The following LRRC7 variants were observed in gnomAD, a reference collection of about 807,000 sequenced individuals.
The protein encoded by LRRC7 is leucine-rich repeat-containing protein 7.
A neutral mutation model predicts 175.7 loss-of-function variants in LRRC7; 23 were observed. The ratio of observed to expected loss-of-function variants is 0.13; its 90% CI spans 0.09 to 0.19. LRRC7 has a LOEUF of 0.19. LRRC7 is among the 10% of genes least tolerant of loss of function. LRRC7 has a pLI of 1.00. For synonymous variants in LRRC7, 685 were observed against 680.9 expected, an observed-to-expected ratio of 1.01 and a Z score of -0.09; for missense variants, 1,354 against 1,904.7, an observed-to-expected ratio of 0.71 and a Z score of 5.38.
intron 1 of LRRC7, among the ~76,000 whole-genome samples, chr1:69,584,006 T>C (rs1430930700): frequency 1.3e-5 from 2 of 152,070 alleles, no homozygotes; most frequent in Non-Finnish European, 2.9e-5. Context: ...AACTCTAGGG[T>C]AATCTGCAGC....
At chr1:70,027,757 C>T (rs1366759330) in intron 17 of LRRC7, among the ~76,000 whole-genome samples, 1 of 152,132 alleles carries the variant, frequency 6.6e-6, no homozygotes, top group Non-Finnish European at 1.5e-5. Context: ...CCATCAGCTG[C>T]ATTGCTACTC....
chr1:70,000,105 A>G (rs1282937732), intron 11 of LRRC7, among the ~76,000 whole-genome samples: 1 of 152,168 alleles, frequency 6.6e-6, no homozygotes, highest in Non-Finnish European at 1.5e-5. Flanking sequence ...TTTCCTACTA[A>G]TTACTGGGGA....
intron 8 of LRRC7, among the ~76,000 whole-genome samples, chr1:69,951,635 A>T (rs966039165): frequency 1.2e-4 from 18 of 152,116 alleles, no homozygotes; most frequent in Admixed American, 4.6e-4. Context: ...CATGTCTTTC[A>T]CAGGAACATG....
chr1:70,058,290 G>A (rs576782625), intron 23 of LRRC7, among the ~76,000 whole-genome samples: 30 of 152,218 alleles, frequency 2.0e-4, no homozygotes, highest in African/African-American at 6.0e-4. Context: ...GATTATAGGC[G>A]AGAGCCACTG....
intron 2 of LRRC7, among the ~76,000 whole-genome samples, chr1:69,747,333 A>G (rs1669364792): frequency 6.6e-6 from 1 of 152,176 alleles, no homozygotes; most frequent in African/African-American, 2.4e-5. Context: ...ACAGGAAAAC[A>G]CAAATGTGCA....
intron 2 of LRRC7, among the ~76,000 whole-genome samples, chr1:69,694,773 G>A (rs1662354010): frequency 6.6e-6 from 1 of 151,456 alleles, no homozygotes; most frequent in African/African-American, 2.4e-5. Context: ...TTCTCAGCAT[G>A]TGATATGCCA....
At chr1:69,768,195 A>T (rs1057101551) in intron 3 of LRRC7, among the ~76,000 whole-genome samples, 2 of 152,166 alleles carry the variant, frequency 1.3e-5, no homozygotes, top group Non-Finnish European at 2.9e-5. Context: ...AATGAACAAC[A>T]AAAATGCATC....
At position 70,038,611 on chromosome 1, in the gene LRRC7, C is replaced by A. The variant is rs151337146; in HGVS notation, c.2787C>A (p.Gly929=). 1.1e-5 allele frequency: 17 copies of A among 1,614,038 alleles called. No homozygotes were observed. In the African/African-American group the frequency reaches 2.1e-4, roughly 20 times the overall value. Residue 929 remains glycine, a synonymous_variant, in exon 21 of 27, where the codon GGC becomes GGA. Transcript: ENST00000651989. ...STEIPSPFSP[G]VPWEYHDSNP... ...AAATACCTAGTCCTTTTTCTCCAGG[C>A]GTACCATGGGAGTATCATGATTCCA...
chr1:70,040,061 G>A (rs1659729127), intron 21 of LRRC7, among the ~76,000 whole-genome samples: 1 of 152,230 alleles, frequency 6.6e-6, no homozygotes, highest in South Asian at 2.1e-4. Flanking sequence ...CTCCATTAGA[G>A]GGGATGGTGC....
chr1:70,016,925 C>T (rs1657010888), intron 14 of LRRC7, among the ~76,000 whole-genome samples: 3 of 152,008 alleles, frequency 2.0e-5, no homozygotes, highest in Admixed American at 6.6e-5. Flanking sequence ...CCTCTATGTT[C>T]CTCTTTCTTC....
At chr1:69,768,909 G>A (rs1671922494) in intron 3 of LRRC7, among the ~76,000 whole-genome samples, 1 of 152,150 alleles carries the variant, frequency 6.6e-6, no homozygotes, top group Admixed American at 6.5e-5. Context: ...GGAATGTGCT[G>A]TTTGAGTCTA....
At chr1:69,591,837 G>A (rs961683379) in intron 1 of LRRC7, among the ~76,000 whole-genome samples, 3 of 151,854 alleles carry the variant, frequency 2.0e-5, no homozygotes, top group South Asian at 2.1e-4. Flanking sequence ...ATCTGCAGAT[G>A]CTCTGTTCAA....
chr1:69,810,659 A>G (rs2421190), intron 4 of LRRC7, among the ~76,000 whole-genome samples: 11,715 of 152,238 alleles, frequency 0.077, 483 homozygotes, highest in South Asian at 0.099. Context: ...CCTGATGAAA[A>G]CAAGCAATGG....
rs1043762615 is a variant in LRRC7, at chr1:70,127,752, T to C, written c.*5865T>C. Among the ~76,000 whole-genome samples, 4 of 152,202 alleles carry C rather than the reference T, an allele frequency of 2.6e-5. No individual in the cohort carries two copies. The highest frequency in any genetic ancestry group is 7.2e-5 in the African/African-American group (3 of 41,450). Reference sequence around the variant, plus strand: ...ACCCCTTTTGTGCCTAATTTTGTTATGGCAGCACCTCAAAAGGTGGAAGGT... The same window carrying C: ...ACCCCTTTTGTGCCTAATTTTGTTACGGCAGCACCTCAAAAGGTGGAAGGT... On this transcript the variant is annotated 3_prime_UTR_variant, in exon 27 of 27. Transcript: ENST00000651989.
At chr1:69,927,657 A>G (rs953503478) in intron 7 of LRRC7, among the ~76,000 whole-genome samples, 2 of 152,158 alleles carry the variant, frequency 1.3e-5, no homozygotes, top group Non-Finnish European at 2.9e-5. Context: ...TTTCAGCTCC[A>G]TCAGCTCCTT....
intron 9 of LRRC7, among the ~76,000 whole-genome samples, chr1:69,980,988 T>C (rs189807060): frequency 6.8e-4 from 104 of 152,278 alleles, no homozygotes; most frequent in African/African-American, 1.5e-3. Flanking sequence ...TTTCCTCAAC[T>C]AAAGTCCAGC....
chr1:70,114,769 A>G (rs1196652730), intron 26 of LRRC7, among the ~76,000 whole-genome samples: 1 of 152,226 alleles, frequency 6.6e-6, no homozygotes, highest in Non-Finnish European at 1.5e-5. Flanking sequence ...CATAATATAC[A>G]AAGTTCTTGC....
At chr1:69,904,715 G>C (rs1646242714) in intron 7 of LRRC7, among the ~76,000 whole-genome samples, 1 of 151,948 alleles carries the variant, frequency 6.6e-6, no homozygotes, top group Non-Finnish European at 1.5e-5. Flanking sequence ...GTGCAGGTTT[G>C]TTATATAAGT....
chr1:69,636,089 C>A (rs2100403787), intron 1 of LRRC7, among the ~76,000 whole-genome samples: 1 of 151,836 alleles, frequency 6.6e-6, no homozygotes, highest in East Asian at 1.9e-4. Context: ...GAATACCAAA[C>A]CTACTTCCTG....
Sources: gnomAD v4.1 joint callset for allele counts (sites outside exome capture counted in the v4.1 genomes callset) on GRCh38, gnomAD v4.1.1 for gene constraint, MANE v1.5 for transcripts, NCBI Gene and HGNC (gene_info 2026-07-23, HGNC 2026-07-21) for gene names.